The following LRRTM4 variants were observed in gnomAD, a reference collection of about 807,000 sequenced individuals.
LRRTM4 encodes leucine rich repeat transmembrane neuronal 4.
In LRRTM4, 25 loss-of-function variants were observed where a neutral mutation model predicts 47.6. The observed-to-expected ratio is 0.53, with a 90% confidence interval of 0.38 to 0.73. The LOEUF (loss-of-function observed/expected upper bound fraction) is 0.73. Among genes scored for constraint, LRRTM4 ranks in the 30% least tolerant of loss-of-function variants. LRRTM4 has a pLI of 0.00. For missense variants in LRRTM4, 638 were observed against 713.4 expected (o/e 0.89, Z 1.20); for synonymous variants, 311 against 269.5 (o/e 1.15, Z -1.51).
chr2:76,757,150 G>A (rs971710144), intron 3 of LRRTM4, among the ~76,000 whole-genome samples: 1 of 152,028 alleles, frequency 6.6e-6, no homozygotes, highest in African/African-American at 2.4e-5. Flanking sequence ...CACGCAAAAT[G>A]TACAATACTC....
intron 3 of LRRTM4, among the ~76,000 whole-genome samples, chr2:76,819,502 C>T (rs1413957015): frequency 1.3e-5 from 2 of 151,776 alleles, no homozygotes; most frequent in African/African-American, 4.8e-5. Flanking sequence ...GACTAACAAA[C>T]CATATCTTAA....
chr2:76,896,486 A>G (rs1285687914), intron 3 of LRRTM4, among the ~76,000 whole-genome samples: 1 of 152,044 alleles, frequency 6.6e-6, no homozygotes, highest in African/African-American at 2.4e-5. Flanking sequence ...AGCTTAAACA[A>G]TACATGTGGC....
intron 3 of LRRTM4, among the ~76,000 whole-genome samples, chr2:76,905,496 C>A (rs187488812): frequency 6.6e-5 from 10 of 152,050 alleles, no homozygotes; most frequent in Admixed American, 5.2e-4. Flanking sequence ...AAAAGCTGGA[C>A]GGAGAATGAC....
intron 3 of LRRTM4, among the ~76,000 whole-genome samples, chr2:77,385,897 G>A (rs1364053887): frequency 2.0e-5 from 3 of 151,266 alleles, no homozygotes; most frequent in Non-Finnish European, 2.9e-5. Flanking sequence ...ACAGGTGCCT[G>A]CCACCACTCC....
intron 3 of LRRTM4, among the ~76,000 whole-genome samples, chr2:76,880,810 G>C (rs1047977365): frequency 4.6e-5 from 7 of 152,080 alleles, no homozygotes; most frequent in African/African-American, 1.7e-4. Flanking sequence ...ATCAGCAATG[G>C]CTTATTAATA....
chr2:76,796,686 T>A (rs1361481103), intron 3 of LRRTM4, among the ~76,000 whole-genome samples: 1 of 125,752 alleles, frequency 8.0e-6, no homozygotes, highest in Non-Finnish European at 1.6e-5. Flanking sequence ...AGACCAAAAG[T>A]AGATAAAAAC....
At position 77,463,026 on chromosome 2, in the gene LRRTM4, C is replaced by T. The variant is rs375176348; in HGVS notation, c.1551+55292G>A. Among the ~76,000 whole-genome samples the T allele has an allele frequency of 4.0e-4, 61 of 152,002 alleles. No individual in the cohort carries two copies. In the South Asian group the frequency reaches 0.012, roughly 31 times the overall value. On this transcript the variant is annotated intron_variant, in intron 3 of 3. Transcript: ENST00000409884. ...TATCAATTTAGTAAATATAGTATGC[C>T]TTGATTATCAGTGGAAATACATTCT...
intron 3 of LRRTM4, among the ~76,000 whole-genome samples, chr2:77,246,822 C>T (rs567199842): frequency 6.6e-5 from 10 of 151,804 alleles, no homozygotes; most frequent in East Asian, 3.9e-4. Flanking sequence ...ACATATGACA[C>T]GCCTATATAC....
rs188423081 is a variant in LRRTM4 at position 77,020,758 on chromosome 2, G to T, written c.1552-271842C>A. Among the ~76,000 whole-genome samples the T allele has an allele frequency of 5.9e-5, 9 of 152,218 alleles. No individual in the cohort carries two copies. In the East Asian group the frequency reaches 1.5e-3, roughly 26 times the overall value. ...GGTCATTTCTTAAAGAAAAGAAATG[G>T]TATCTCTCAGCGTAGAGCCATGAGT... On this transcript the variant is annotated intron_variant, in intron 3 of 3. Transcript: ENST00000409884.
chr2:76,875,582 A>AG lies in LRRTM4; in HGVS notation c.1552-126667_1552-126666insC, dbSNP rs542245627. Among the ~76,000 whole-genome samples the AG allele has an allele frequency of 1.4e-4, 21 of 152,276 alleles. No individual in the cohort carries two copies. In the South Asian group the frequency reaches 4.3e-3, roughly 32 times the overall value. On this transcript the variant is annotated intron_variant, in intron 3 of 3. Transcript: ENST00000409884. Reference sequence around the variant, plus strand: ...TTTTGCCATTGCAGAGAGTGGGGATATAAGGGAATAGCAAGTTGCATTTTG... The same window carrying AG: ...TTTTGCCATTGCAGAGAGTGGGGATAGTAAGGGAATAGCAAGTTGCATTTTG...
At chr2:77,480,031 C>T (rs1677609237) in intron 3 of LRRTM4, among the ~76,000 whole-genome samples, 2 of 152,092 alleles carry the variant, frequency 1.3e-5, no homozygotes, top group South Asian at 4.1e-4. Flanking sequence ...GGTGATATCA[C>T]CACCATCTAG....
chr2:77,491,488 A>T (rs1164805852), intron 3 of LRRTM4, among the ~76,000 whole-genome samples: 1 of 152,100 alleles, frequency 6.6e-6, no homozygotes, highest in Non-Finnish European at 1.5e-5. Flanking sequence ...CAAATACAAG[A>T]GTACTATAAA....
chr2:76,931,873 T>A (rs1049675058), intron 3 of LRRTM4, among the ~76,000 whole-genome samples: 54 of 152,222 alleles, frequency 3.5e-4, no homozygotes, highest in African/African-American at 1.3e-3. Flanking sequence ...TAAAAATTCC[T>A]ACTAATAATT....
intron 3 of LRRTM4, among the ~76,000 whole-genome samples, chr2:77,421,430 G>A (rs1674877910): frequency 6.6e-6 from 1 of 152,112 alleles, no homozygotes; most frequent in African/African-American, 2.4e-5. Flanking sequence ...AGTCCAGGCC[G>A]GGCGTGGTGG....
intron 3 of LRRTM4, among the ~76,000 whole-genome samples, chr2:77,037,568 A>C (rs1221604669): frequency 6.7e-6 from 1 of 150,214 alleles, no homozygotes; most frequent in Non-Finnish European, 1.5e-5. Context: ...ACCAAAGAAA[A>C]GCCTCACATT....
At chr2:76,844,691 T>C (rs571047701) in intron 3 of LRRTM4, among the ~76,000 whole-genome samples, 13 of 152,338 alleles carry the variant, frequency 8.5e-5, no homozygotes, top group Admixed American at 2.6e-4. Context: ...ATACTTTCTA[T>C]TGACAATTAT....
At chr2:76,881,307 A>G (rs1672921804) in intron 3 of LRRTM4, among the ~76,000 whole-genome samples, 1 of 152,132 alleles carries the variant, frequency 6.6e-6, no homozygotes, top group Non-Finnish European at 1.5e-5. Context: ...TTAGACATTC[A>G]ACAATTCACA....
chr2:77,081,918 GGTTTT>G (rs928616398), intron 3 of LRRTM4, among the ~76,000 whole-genome samples: 15 of 151,646 alleles, frequency 9.9e-5, no homozygotes, highest in Non-Finnish European at 2.2e-4. Context: ...CGGCTTTTTG[GGTTTT>G]ATTTTTAAAT....
chr2:76,868,183 A>G (rs1251167192), intron 3 of LRRTM4, among the ~76,000 whole-genome samples: 1 of 152,240 alleles, frequency 6.6e-6, no homozygotes, highest in Non-Finnish European at 1.5e-5. Context: ...GTCAGACCAT[A>G]GTAAGATTTT....
Sources: gnomAD v4.1 joint callset for allele counts (sites outside exome capture counted in the v4.1 genomes callset) on GRCh38, gnomAD v4.1.1 for gene constraint, MANE v1.5 for transcripts, NCBI Gene and HGNC (gene_info 2026-07-23, HGNC 2026-07-21) for gene names.